The following MAGI2 variants were observed in gnomAD, a reference collection of about 807,000 sequenced individuals.
MAGI2 encodes the protein membrane-associated guanylate kinase, WW and PDZ domain-containing protein 2.
MAGI2 carries 35 observed loss-of-function variants against 133.3 expected under a neutral mutation model. That is an observed-to-expected ratio of 0.26 (90% CI 0.20 to 0.35). MAGI2 has a LOEUF of 0.35. Among genes scored for constraint, MAGI2 ranks in the 10% least tolerant of loss-of-function variants. MAGI2 has a pLI of 1.00. For missense variants in MAGI2, 1,636 were observed against 1,863.4 expected (o/e 0.88, Z 2.25); for synonymous variants, 729 against 710.6 (o/e 1.03, Z -0.41).
intron 2 of MAGI2, among the ~76,000 whole-genome samples, chr7:78,820,898 T>C (rs947753650): frequency 6.6e-6 from 1 of 151,952 alleles, no homozygotes; most frequent in Non-Finnish European, 1.5e-5. Context: ...TTCTTCAAAA[T>C]TTTTTTCTAA....
intron 7 of MAGI2, among the ~76,000 whole-genome samples, chr7:78,362,861 GT>G (rs538890330): frequency 5.3e-5 from 8 of 152,100 alleles, no homozygotes; most frequent in Non-Finnish European, 8.8e-5. Flanking sequence ...CTGAGAGGCT[GT>G]TTTTTTGTTC....
chr7:78,388,922 T>G (rs1293876827), intron 6 of MAGI2, among the ~76,000 whole-genome samples: 1 of 152,212 alleles, frequency 6.6e-6, no homozygotes, highest in Non-Finnish European at 1.5e-5. Context: ...ATATTTTCAT[T>G]AGAACATTCT....
intron 10 of MAGI2, among the ~76,000 whole-genome samples, chr7:78,236,338 T>C (rs919315053): frequency 1.3e-5 from 2 of 152,078 alleles, no homozygotes; most frequent in Admixed American, 6.6e-5. Flanking sequence ...AGTAGAAAAA[T>C]AGTTTTGTTC....
intron 1 of MAGI2, among the ~76,000 whole-genome samples, chr7:79,319,438 C>T (rs1052558422): frequency 1.3e-5 from 2 of 152,150 alleles, no homozygotes; most frequent in African/African-American, 2.4e-5. Context: ...CCCAGCCTCA[C>T]CTTCATAGTT....
At chr7:78,171,566 T>C (rs1396205546) in intron 14 of MAGI2, among the ~76,000 whole-genome samples, 1 of 152,164 alleles carries the variant, frequency 6.6e-6, no homozygotes, top group Non-Finnish European at 1.5e-5. Context: ...AGCCACAGGA[T>C]CTGTGGTCTC....
chr7:78,180,118 C>G (rs1216527943), intron 13 of MAGI2, among the ~76,000 whole-genome samples: 1 of 152,174 alleles, frequency 6.6e-6, no homozygotes, highest in Admixed American at 6.6e-5. Context: ...GGGAGGAACT[C>G]TAGACCACAT....
chr7:79,004,091 A>G (rs1807175755), intron 2 of MAGI2, among the ~76,000 whole-genome samples: 1 of 152,200 alleles, frequency 6.6e-6, no homozygotes, highest in Non-Finnish European at 1.5e-5. Flanking sequence ...CAGTAATCCC[A>G]CTACTGGGTA....
intron 10 of MAGI2, chr7:78,254,704 A>G (rs1233524404): frequency 1.3e-5 from 2 of 152,212 alleles, no homozygotes; most frequent in Non-Finnish European, 2.9e-5. Context: ...ATAAATCATA[A>G]AAGGTGCTTC....
chr7:78,843,973 A>C (rs1427094529), intron 2 of MAGI2, among the ~76,000 whole-genome samples: 1 of 147,360 alleles, frequency 6.8e-6, no homozygotes, highest in African/African-American at 2.5e-5. Flanking sequence ...CAGCTATATA[A>C]AAAATAATAT....
chr7:78,553,608 A>G lies in MAGI2; in HGVS notation c.539-31963T>C, dbSNP rs376327415. On this transcript the variant is annotated intron_variant, in intron 3 of 21. Transcript: ENST00000354212. ...GTTAGTTAGATGATTATCTCATTAG[A>G]GCTACTGAGTATGAAGCCCCAACAA... Among the ~76,000 whole-genome samples, 712 of 152,312 alleles carry G rather than the reference A, an allele frequency of 4.7e-3. 7 individuals are homozygous for G. The highest frequency in any genetic ancestry group is 0.02 in the South Asian group (98 of 4,822).
At chr7:78,990,965 C>T (rs1805711528) in intron 2 of MAGI2, among the ~76,000 whole-genome samples, 2 of 143,438 alleles carry the variant, frequency 1.4e-5, no homozygotes, top group African/African-American at 2.6e-5. Context: ...GGCTTTTTGT[C>T]CCCACCCAAA....
chr7:78,443,970 CA>C (rs1787876879), intron 6 of MAGI2, among the ~76,000 whole-genome samples: 1 of 152,034 alleles, frequency 6.6e-6, no homozygotes, highest in Non-Finnish European at 1.5e-5. Context: ...GTTCTTATCA[CA>C]TGGAGGTGTT....
intron 2 of MAGI2, among the ~76,000 whole-genome samples, chr7:78,961,310 C>T (rs945926174): frequency 4.6e-5 from 7 of 152,032 alleles, no homozygotes; most frequent in Non-Finnish European, 8.8e-5. Flanking sequence ...TGCAGCCCCT[C>T]GAGGCTCCCC....
chr7:79,343,889 T>G (rs1390190315), intron 1 of MAGI2, among the ~76,000 whole-genome samples: 3 of 152,134 alleles, frequency 2.0e-5, no homozygotes, highest in African/African-American at 7.2e-5. Context: ...ATTACATCCA[T>G]CCATGTATCT....
intron 6 of MAGI2, among the ~76,000 whole-genome samples, chr7:78,469,434 A>T (rs1269608972): frequency 6.6e-6 from 1 of 152,162 alleles, no homozygotes; most frequent in East Asian, 1.9e-4. Context: ...ATGTTTCTTT[A>T]GTCAAGAAGA....
At chr7:78,917,789 G>A (rs1457852060) in intron 2 of MAGI2, among the ~76,000 whole-genome samples, 1 of 152,032 alleles carries the variant, frequency 6.6e-6, no homozygotes, top group East Asian at 1.9e-4. Flanking sequence ...TTTCTAAAGG[G>A]TTCACAGAAC....
At position 79,158,576 on chromosome 7, in the gene MAGI2, C is replaced by T. The variant is rs529251792; in HGVS notation, c.302-151370G>A. Among the ~76,000 whole-genome samples the T allele has an allele frequency of 2.0e-4, 31 of 151,974 alleles. No homozygotes were observed. In the South Asian group the frequency reaches 2.9e-3, roughly 14 times the overall value. ...GGGTTATAAAACTAGAAAGCCCATCCGAAAACAGAATAATCTTAGCTTTCG... is the reference window on the plus strand; with the variant it reads ...GGGTTATAAAACTAGAAAGCCCATCTGAAAACAGAATAATCTTAGCTTTCG... On this transcript the variant is annotated intron_variant, in intron 1 of 21. Transcript: ENST00000354212.
chr7:78,768,222 T>C (rs563055636), intron 2 of MAGI2, among the ~76,000 whole-genome samples: 1 of 152,326 alleles, frequency 6.6e-6, no homozygotes, highest in East Asian at 1.9e-4. Flanking sequence ...ACCTCACCTG[T>C]AGTCATTAAC....
intron 1 of MAGI2, among the ~76,000 whole-genome samples, chr7:79,319,343 CT>C: frequency 6.6e-6 from 1 of 152,138 alleles, no homozygotes; most frequent in Non-Finnish European, 1.5e-5. Context: ...CAGATGCTTG[CT>C]TTTCATGCTA....
Sources: allele counts gnomAD v4.1 joint callset (sites outside exome capture counted in the v4.1 genomes callset), GRCh38; gene constraint gnomAD v4.1.1; transcripts MANE v1.5; gene names NCBI Gene and HGNC (gene_info 2026-07-23, HGNC 2026-07-21).